DOK6: variants seen among roughly 807,000 people sequenced by gnomAD.
The protein encoded by DOK6 is docking protein 6.
Under a neutral mutation model 44.0 loss-of-function variants are expected in DOK6, and 22 were observed. The ratio of observed to expected loss-of-function variants is 0.50; its 90% CI spans 0.36 to 0.71. The LOEUF is 0.71. DOK6 is among the 30% of genes least tolerant of loss of function. The pLI is 0.00. For missense variants in DOK6, 340 were observed against 416.4 expected (o/e 0.82, Z 1.60); for synonymous variants, 166 against 145.5 (o/e 1.14, Z -1.01).
chr18:69,435,324 TA>T (rs1255522862), intron 1 of DOK6, among the ~76,000 whole-genome samples: 3 of 152,236 alleles, frequency 2.0e-5, no homozygotes, highest in African/African-American at 7.2e-5. Flanking sequence ...ATCATCTATT[TA>T]TCAAATATTT....
intron 7 of DOK6, among the ~76,000 whole-genome samples, chr18:69,779,600 C>G (rs150459949): frequency 6.6e-6 from 1 of 151,928 alleles, no homozygotes; most frequent in Non-Finnish European, 1.5e-5. Flanking sequence ...CAAGTTACTA[C>G]TCTTTTGATT....
At chr18:69,795,658 G>A (rs1411099623) in intron 7 of DOK6, among the ~76,000 whole-genome samples, 1 of 152,124 alleles carries the variant, frequency 6.6e-6, no homozygotes, top group Non-Finnish European at 1.5e-5. Flanking sequence ...TAGGCAAAAG[G>A]CCAGGCCCTC....
chr18:69,562,041 C>T (rs1361623443), intron 1 of DOK6, among the ~76,000 whole-genome samples: 1 of 152,054 alleles, frequency 6.6e-6, no homozygotes, highest in Non-Finnish European at 1.5e-5. Context: ...TATCCACCAG[C>T]AAAGAATACA....
Position 69,529,604 on chromosome 18 carries a change from C to T in DOK6, c.67-34883C>T, listed in dbSNP as rs1490162021. ...GGCACTCCATAACATAATAAATATA[C>T]TCCCTGCACTGAATGCCTACTATAT... is the stretch of plus-strand genomic sequence containing the variant. On this transcript the variant is annotated intron_variant, in intron 1 of 7. Coordinates refer to ENST00000382713, the MANE Select transcript of DOK6 (RefSeq NM_152721.6). Among the ~76,000 whole-genome samples the T allele has an allele frequency of 2.0e-5, 3 of 152,312 alleles. No homozygotes were observed. The East Asian group carries it at 5.8e-4, about 29-fold the overall frequency.
intron 1 of DOK6, among the ~76,000 whole-genome samples, chr18:69,436,813 C>T (rs1238186098): frequency 6.6e-6 from 1 of 152,172 alleles, no homozygotes; most frequent in African/African-American, 2.4e-5. Flanking sequence ...ACATCCTCTC[C>T]AGCATCTGTT....
chr18:69,511,957 G>A (rs1490742249), intron 1 of DOK6, among the ~76,000 whole-genome samples: 2 of 152,084 alleles, frequency 1.3e-5, no homozygotes, highest in South Asian at 2.1e-4. Context: ...CAATGTAAAG[G>A]AGATTGGACT....
intron 2 of DOK6, among the ~76,000 whole-genome samples, chr18:69,584,143 A>G (rs2144612164): frequency 6.6e-6 from 1 of 151,502 alleles, no homozygotes; most frequent in Admixed American, 6.6e-5. Context: ...GAAAAAAATA[A>G]AATTCTAAAG....
chr18:69,545,813 G>A (rs1982388647), intron 1 of DOK6, among the ~76,000 whole-genome samples: 1 of 151,184 alleles, frequency 6.6e-6, no homozygotes, highest in South Asian at 2.1e-4. Context: ...TTATATAATT[G>A]CAAATGATGA....
intron 3 of DOK6, chr18:69,662,300 GTCT>G (rs941513788): frequency 1.7e-4 from 26 of 152,410 alleles, no homozygotes; most frequent in African/African-American, 6.3e-4. Flanking sequence ...ACTCTTTATA[GTCT>G]TCTCTCTTCT....
intron 5 of DOK6, among the ~76,000 whole-genome samples, chr18:69,713,108 T>A (rs1986806250): frequency 6.6e-6 from 1 of 152,182 alleles, no homozygotes; most frequent in Non-Finnish European, 1.5e-5. Context: ...ATTTCAGAGA[T>A]ATTCAGGACG....
chr18:69,419,892 T>C (rs1200431062), intron 1 of DOK6, among the ~76,000 whole-genome samples: 4 of 152,108 alleles, frequency 2.6e-5, no homozygotes, highest in Non-Finnish European at 5.9e-5. Context: ...GGCACCACCT[T>C]CATAGAGGCA....
intron 7 of DOK6, among the ~76,000 whole-genome samples, chr18:69,837,283 T>C (rs1982081109): frequency 1.3e-5 from 2 of 152,124 alleles, no homozygotes; most frequent in African/African-American, 4.8e-5. Flanking sequence ...CATTATCCTG[T>C]GGTGGAAGGC....
intron 7 of DOK6, among the ~76,000 whole-genome samples, chr18:69,835,555 T>C (rs1310276482): frequency 6.6e-6 from 1 of 152,174 alleles, no homozygotes; most frequent in Non-Finnish European, 1.5e-5. Context: ...AAGGGCTCTC[T>C]TCTGTACCCA....
At chr18:69,515,476 G>A (rs1391934817) in intron 1 of DOK6, among the ~76,000 whole-genome samples, 1 of 152,166 alleles carries the variant, frequency 6.6e-6, no homozygotes, top group African/African-American at 2.4e-5. Context: ...CCACCTGAGA[G>A]TGTCATTGCC....
chr18:69,827,420 G>T (rs775285623), intron 7 of DOK6, among the ~76,000 whole-genome samples: 4 of 152,050 alleles, frequency 2.6e-5, no homozygotes, highest in Non-Finnish European at 4.4e-5. Flanking sequence ...TGTTCCTGAT[G>T]ATCAGAATGC....
At chr18:69,515,490 A>C (rs1981496241) in intron 1 of DOK6, among the ~76,000 whole-genome samples, 1 of 152,176 alleles carries the variant, frequency 6.6e-6, no homozygotes, top group African/African-American at 2.4e-5. Flanking sequence ...CATTGCCATA[A>C]AGCCAGTGGT....
At chr18:69,603,759 A>C (rs1369005881) in intron 3 of DOK6, among the ~76,000 whole-genome samples, 1 of 118,208 alleles carries the variant, frequency 8.5e-6, no homozygotes, top group Non-Finnish European at 1.7e-5. Context: ...CGACAGAGCG[A>C]GACTCCGTCT....
At chr18:69,485,905 GTA>G (rs1197842355) in intron 1 of DOK6, among the ~76,000 whole-genome samples, 4 of 150,442 alleles carry the variant, frequency 2.7e-5, no homozygotes, top group African/African-American at 4.9e-5. Context: ...GTGTGTGTGT[GTA>G]TATGTATATC....
chr18:69,469,685 C>T (rs998190935), intron 1 of DOK6: 1 of 254,876 alleles, frequency 3.9e-6, no homozygotes, highest in Admixed American at 4.4e-5. Context: ...CCCGGAGATA[C>T]GCTGCTGTGG....
Sources: gnomAD v4.1 joint callset for allele counts (sites outside exome capture counted in the v4.1 genomes callset) on GRCh38, gnomAD v4.1.1 for gene constraint, MANE v1.5 for transcripts, NCBI Gene and HGNC (gene_info 2026-07-23, HGNC 2026-07-21) for gene names.